The following CKAP5 variants were observed in gnomAD, a reference collection of about 807,000 sequenced individuals.
CKAP5 encodes cytoskeleton associated protein 5.
CKAP5 carries 27 observed loss-of-function variants against 232.8 expected under a neutral mutation model. That is an observed-to-expected ratio of 0.12 (90% CI 0.09 to 0.16). The LOEUF (loss-of-function observed/expected upper bound fraction) is 0.16. CKAP5 is among the 10% of genes least tolerant of loss of function. The probability of loss-of-function intolerance (pLI) is 1.00; values close to 1 mark genes in which losing one functional copy is unlikely to be tolerated. For missense variants in CKAP5, 1,838 were observed against 2,424.7 expected (o/e 0.76, Z 5.08); for synonymous variants, 785 against 841.1 (o/e 0.93, Z 1.16).
chr11:46,800,674 A>G (rs1275869714), intron 9 of CKAP5, among the ~76,000 whole-genome samples: 1 of 152,244 alleles, frequency 6.6e-6, no homozygotes, highest in East Asian at 1.9e-4. Flanking sequence ...TGAATAAGTA[A>G]AACGGAGATA....
rs113240618 is a variant in CKAP5 at position 46,829,438 on chromosome 11, G to A, written c.-37-8170C>T. Among the ~76,000 whole-genome samples the A allele has an allele frequency of 2.6e-3, 401 of 152,216 alleles. 3 individuals carry two copies. The highest frequency in any genetic ancestry group is 9.4e-3 in the African/African-American group (390 of 41,528). ...ACATGCCTGTTAGTCCCAGCTACTC[G>A]GGAGGCTAAGGTAGAAGGATTGCCT... On this transcript the variant is annotated intron_variant, in intron 1 of 43. Coordinates refer to ENST00000529230, the MANE Select transcript of CKAP5 (RefSeq NM_001008938.4).
At chr11:46,758,878 C>T in intron 35 of CKAP5, 45 bp downstream of exon 35, 1 of 1,608,764 alleles carries the variant, frequency 6.2e-7, no homozygotes, top group Non-Finnish European at 8.5e-7. Context: ...TTTATAGCCT[C>T]TATGTCCACC....
intron 26 of CKAP5, among the ~76,000 whole-genome samples, chr11:46,768,783 T>C (rs959112738): frequency 2.0e-5 from 3 of 152,058 alleles, no homozygotes; most frequent in African/African-American, 7.2e-5. Context: ...AGTTTTGCCA[T>C]GTTGCTCAGG....
chr11:46,829,531 T>C (rs1845834985), intron 1 of CKAP5, among the ~76,000 whole-genome samples: 1 of 152,036 alleles, frequency 6.6e-6, no homozygotes, highest in South Asian at 2.1e-4. Context: ...CGAGAAAAAA[T>C]ATTTTTCCTC....
chr11:46,814,139 AAAAAAAAAAAAAAAAAAG>A (rs915045313), intron 4 of CKAP5, among the ~76,000 whole-genome samples: 2 of 149,950 alleles, frequency 1.3e-5, no homozygotes, highest in African/African-American at 4.8e-5. Flanking sequence ...CTCAAAAAAA[AAAAAAAAAAAAAAAAAAG>A]ATTACAGTAT....
chr11:46,797,536 T>C (rs1043851913), intron 11 of CKAP5, among the ~76,000 whole-genome samples: 3 of 152,196 alleles, frequency 2.0e-5, no homozygotes, highest in Non-Finnish European at 4.4e-5. Flanking sequence ...ATGCCTATGC[T>C]TGGCCAGATT....
At chr11:46,773,565 T>C (rs1298043653) in intron 24 of CKAP5, among the ~76,000 whole-genome samples, 1 of 147,216 alleles carries the variant, frequency 6.8e-6, no homozygotes, top group Non-Finnish European at 1.5e-5. Context: ...TTTTTTGAGA[T>C]GGAATCTTGC....
intron 32 of CKAP5, among the ~76,000 whole-genome samples, chr11:46,761,083 T>C (rs2065151323): frequency 6.6e-6 from 1 of 151,974 alleles, no homozygotes; most frequent in Non-Finnish European, 1.5e-5. Flanking sequence ...ACCCCATCTA[T>C]ACATAAAGTA....
intron 38 of CKAP5, among the ~76,000 whole-genome samples, chr11:46,752,193 TACACAC>T (rs1156472710): frequency 5.9e-4 from 39 of 66,512 alleles, no homozygotes; most frequent in African/African-American, 1.6e-3. Flanking sequence ...TATATATATA[TACACAC>T]ACACACACAC....
intron 35 of CKAP5, among the ~76,000 whole-genome samples, chr11:46,757,258 C>T (rs1358257264): frequency 2.0e-5 from 3 of 151,300 alleles, no homozygotes; most frequent in Non-Finnish European, 4.4e-5. Context: ...TTTGGGAGGC[C>T]GAGGCAGGTG....
rs1237647900 is a variant in CKAP5 at position 46,778,569 on chromosome 11, T to C, written c.2464A>G (p.Arg822Gly). 2 of 1,614,120 alleles carry C rather than the reference T, an allele frequency of 1.2e-6. No homozygotes were observed. The highest frequency in any genetic ancestry group is 1.7e-5 in the Admixed American group (1 of 60,020). Residue 822 changes from arginine to glycine, a missense_variant, in exon 21 of 44, where the codon AGA (arginine) becomes GGA (glycine). Arg to Gly is a moderately radical substitution (Grantham distance 125, BLOSUM62 -2). This residue lies in a region of CKAP5 where 767 missense variants were observed against 954.6 expected (regional missense o/e 0.80). Coordinates refer to ENST00000529230, the MANE Select transcript of CKAP5 (RefSeq NM_001008938.4). Reference protein sequence around the residue: ...MQGQSPPAPTRGISKHSTSGT... With the variant: ...MQGQSPPAPTGGISKHSTSGT... ...CTTGTGCTATGCTTGGAAATTCCTC[T>C]GGTTGGAGCAGGTGGACTTTGTCCC...
chr11:46,815,888 T>C (rs1488872313), intron 4 of CKAP5, among the ~76,000 whole-genome samples: 1 of 152,166 alleles, frequency 6.6e-6, no homozygotes, highest in Non-Finnish European at 1.5e-5. Context: ...CAGTGGCCTG[T>C]TAGGAACCAG....
rs187486848 is a variant in CKAP5 at position 46,753,202 on chromosome 11, T to C, written c.5057+108A>G. 6.7e-5 allele frequency: 55 copies of C among 821,120 alleles called. 1 individual carries two copies. The Admixed American group carries it at 1.1e-3, about 16-fold the overall frequency. 50.9% of individuals were successfully genotyped at this position (821,120 alleles called of 1,614,324 possible). A position where few individuals can be genotyped will look rare whatever the true frequency, so the allele number is the denominator to read the frequency against. ...ACTTTAAGTGTGCCTAGGAAGTTGA[T>C]TATGATTGTTAGGTTGCCTAGGAAG... is the stretch of plus-strand genomic sequence containing the variant. On this transcript the variant is annotated intron_variant, in intron 37 of 43. Transcript: ENST00000529230.
intron 15 of CKAP5, 48 bp downstream of exon 15, chr11:46,790,028 C>T (rs752027413): frequency 8.0e-7 from 1 of 1,245,276 alleles, no homozygotes; most frequent in Non-Finnish European, 1.2e-6. Context: ...TTCGCTGCTT[C>T]CATATAATCT....
chr11:46,767,860 G>C (rs762747213), intron 26 of CKAP5, among the ~76,000 whole-genome samples, 197 bp from the exon 27 acceptor site: 3 of 151,750 alleles, frequency 2.0e-5, no homozygotes, highest in Non-Finnish European at 4.4e-5. Context: ...GTGCCTTCAC[G>C]GTGCTCACTG....
intron 1 of CKAP5, among the ~76,000 whole-genome samples, chr11:46,830,238 G>A (rs1433731250): frequency 1.3e-5 from 2 of 151,822 alleles, no homozygotes; most frequent in African/African-American, 2.4e-5. Context: ...TCAGGAGGTC[G>A]AAACCATCCT....
rs751691051 is a variant in CKAP5 at position 46,780,419 on chromosome 11, T to G, written c.2307+9A>C. The G allele has an allele frequency of 3.1e-6, 5 of 1,613,916 alleles. No individual in the cohort carries two copies. The highest frequency in any genetic ancestry group is 2.2e-5 in the East Asian group (1 of 44,846). The stretch of plus-strand genomic sequence containing the variant: ...CAATACTGCCCTATATATGTTGTTA[T>G]GTACTCACTGGGTTTGTTGCAGCAA... On this transcript the variant is annotated intron_variant, in intron 19 of 43. Coordinates refer to ENST00000529230, the MANE Select transcript of CKAP5 (RefSeq NM_001008938.4).
intron 28 of CKAP5, 131 bp from the exon 29 acceptor site, chr11:46,763,761 T>C (rs887649252): frequency 9.1e-6 from 5 of 547,370 alleles, no homozygotes; most frequent in Middle Eastern, 3.9e-4. Flanking sequence ...TAATTAAATA[T>C]GAATGCAAAT....
At chr11:46,808,177 G>A (rs2134668790) in intron 7 of CKAP5, 33 bp from the exon 8 acceptor site, 1 of 1,319,300 alleles carries the variant, frequency 7.6e-7, no homozygotes, top group Non-Finnish European at 1.1e-6. Flanking sequence ...TTTGTAACAG[G>A]AAATAAGAGA....
Sources: allele counts gnomAD v4.1 joint callset (sites outside exome capture counted in the v4.1 genomes callset), GRCh38; gene constraint gnomAD v4.1.1; regional missense constraint gnomAD v4.1.1; transcripts MANE v1.5; gene names NCBI Gene and HGNC (gene_info 2026-07-23, HGNC 2026-07-21).